PRRG4: variants seen among roughly 807,000 people sequenced by gnomAD.
PRRG4 encodes transmembrane gamma-carboxyglutamic acid protein 4.
A neutral mutation model predicts 20.0 loss-of-function variants in PRRG4; 12 were observed. The observed-to-expected ratio is 0.60, with a 90% confidence interval of 0.38 to 0.97. PRRG4 has a LOEUF of 0.97. PRRG4 is among the 50% of genes least tolerant of loss of function. The pLI, the probability that PRRG4 is intolerant of heterozygous loss-of-function variation, is 0.00. For missense variants in PRRG4, 199 were observed against 265.1 expected (o/e 0.75, Z 1.73); for synonymous variants, 94 against 96.4 (o/e 0.98, Z 0.15).
At chr11:32,834,384 G>A (rs1851001268) in intron 2 of PRRG4, among the ~76,000 whole-genome samples, 1 of 152,062 alleles carries the variant, frequency 6.6e-6, no homozygotes, top group African/African-American at 2.4e-5. Flanking sequence ...AGACAAAGGA[G>A]GAAACAGAAT....
chr11:32,830,472 C>G (rs1207387086), intron 1 of PRRG4, 36 bp from the exon 2 acceptor site: 4 of 1,345,518 alleles, frequency 3.0e-6, no homozygotes, highest in Non-Finnish European at 4.0e-6. Context: ...GAGCTAGGGG[C>G]CTTTTTTTTT....
At chr11:32,831,173 G>A (rs1207908677) in intron 2 of PRRG4, among the ~76,000 whole-genome samples, 6 of 152,058 alleles carry the variant, frequency 3.9e-5, no homozygotes, top group Admixed American at 6.5e-5. Context: ...TTAGGTTTGG[G>A]GCTTGCTAAC....
At chr11:32,848,728 T>G (rs768612073) in intron 5 of PRRG4, among the ~76,000 whole-genome samples, 1 of 151,852 alleles carries the variant, frequency 6.6e-6, no homozygotes, top group Non-Finnish European at 1.5e-5. Flanking sequence ...TCCCAGAACT[T>G]TGGGAGGCCG....
At position 32,853,739 on chromosome 11, in the gene PRRG4, A is replaced by G. The variant is rs1851205519; in HGVS notation, c.*212A>G. ...CCTACTTGGGAGGCTGAAGCAGGAG[A>G]ATTGCTCGAACCTGGGAGGCAGAGG... On this transcript the variant is annotated 3_prime_UTR_variant, in exon 6 of 6. Coordinates refer to ENST00000257836, the MANE Select transcript of PRRG4 (RefSeq NM_024081.6). 2.0e-6 allele frequency: 1 copy of G among 488,840 alleles called. No homozygotes were observed. Among genetic ancestry groups the G allele is most frequent in the Non-Finnish European group, 3.7e-6 (1 of 269,072 alleles). 30.3% of individuals were successfully genotyped at this position (488,840 alleles called of 1,614,324 possible). A position where few individuals can be genotyped will look rare whatever the true frequency, so the allele number is the denominator to read the frequency against.
chr11:32,849,593 G>A (rs1161139717), intron 5 of PRRG4, among the ~76,000 whole-genome samples: 1 of 152,174 alleles, frequency 6.6e-6, no homozygotes, highest in African/African-American at 2.4e-5. Context: ...GAACCCAGGA[G>A]GCAGAGGTTG....
At position 32,855,101 on chromosome 11, in the gene PRRG4, TTAA is replaced by T. The variant is rs1464310755; in HGVS notation, c.*1576_*1578del. 2.6e-5 allele frequency: 4 copies of T among 152,216 alleles called. No homozygotes were observed. Among genetic ancestry groups the T allele is most frequent in the Non-Finnish European group, 4.4e-5 (3 of 68,036 alleles). The allele number at this position is 152,216 out of a possible 1,614,324, so 9.4% of individuals were successfully genotyped here. A position where few individuals can be genotyped will look rare whatever the true frequency, so the allele number is the denominator to read the frequency against. On this transcript the variant is annotated 3_prime_UTR_variant, in exon 6 of 6. Transcript: ENST00000257836. ...TTTTCTGCTCTTAAAATAATATTGA[TTAA>T]TGTTACCAGAAACCTTTTGCATCTC...
intron 5 of PRRG4, among the ~76,000 whole-genome samples, chr11:32,841,828 T>G (rs771516411): frequency 4.6e-5 from 7 of 152,008 alleles, no homozygotes; most frequent in Non-Finnish European, 7.4e-5. Context: ...AGGAGAAAAT[T>G]TGGATATAGC....
chr11:32,842,513 G>A (rs1379771550), intron 5 of PRRG4, among the ~76,000 whole-genome samples: 1 of 152,088 alleles, frequency 6.6e-6, no homozygotes, highest in Non-Finnish European at 1.5e-5. Context: ...CTGAGGTCAG[G>A]AGTTCAAGAC....
intron 2 of PRRG4, among the ~76,000 whole-genome samples, chr11:32,831,054 T>G (rs1850966363): frequency 6.6e-6 from 1 of 152,208 alleles, no homozygotes; most frequent in African/African-American, 2.4e-5. Context: ...TTGGCTTGAA[T>G]GTCTTCATCT....
At chr11:32,833,535 C>T (rs1850993419) in intron 2 of PRRG4, among the ~76,000 whole-genome samples, 1 of 152,156 alleles carries the variant, frequency 6.6e-6, no homozygotes, top group South Asian at 2.1e-4. Context: ...ATTCTCCATT[C>T]TGAACTTAGA....
Position 32,836,700 on chromosome 11 carries a change from G to A in PRRG4, c.146G>A (p.Arg49His), listed in dbSNP as rs750549239. 1.2e-6 allele frequency: 2 copies of A among 1,604,458 alleles called. No homozygotes were observed. The highest frequency in any genetic ancestry group is 1.7e-4 in the Middle Eastern group (1 of 6,038). The change falls in exon 3 of 6, where the codon CGC becomes CAC. Residue 49 changes from arginine to histidine, a missense_variant. By Grantham distance (29) the Arg-to-His change is conservative. Coordinates refer to ENST00000257836, the MANE Select transcript of PRRG4 (RefSeq NM_024081.6). The stretch of plus-strand genomic sequence containing the variant: ...GAAGCAAACTTTTTCATACATAGAC[G>A]CCTTCTGTATAATAGATTTGATCTG... The part of the protein sequence containing the change: ...KEEANFFIHR[R>H]LLYNRFDLEL...
intron 4 of PRRG4, among the ~76,000 whole-genome samples, chr11:32,839,600 T>C (rs957736444): frequency 6.7e-6 from 1 of 149,274 alleles, no homozygotes; most frequent in African/African-American, 2.4e-5. Flanking sequence ...TTTAAATAAA[T>C]AATTTTTAAA....
chr11:32,847,433 C>A (rs2133448604), intron 5 of PRRG4, among the ~76,000 whole-genome samples: 1 of 152,208 alleles, frequency 6.6e-6, no homozygotes, highest in African/African-American at 2.4e-5. Context: ...GAGCCAGGTG[C>A]AGTGGCATGC....
chr11:32,832,410 A>G (rs1392638674), intron 2 of PRRG4, among the ~76,000 whole-genome samples: 2 of 152,052 alleles, frequency 1.3e-5, no homozygotes, highest in African/African-American at 4.8e-5. Flanking sequence ...AATGCCTTCC[A>G]TCTGCAAATG....
intron 3 of PRRG4, among the ~76,000 whole-genome samples, chr11:32,838,217 G>A (rs759705532): frequency 6.6e-6 from 1 of 152,050 alleles, no homozygotes; most frequent in Non-Finnish European, 1.5e-5. Flanking sequence ...AGCACTTTGC[G>A]GGGCAGAGGT....
At chr11:32,838,967 A>C in intron 4 of PRRG4, 37 bp downstream of exon 4, 29 of 1,451,106 alleles carry the variant, frequency 2.0e-5, no homozygotes, top group Non-Finnish European at 2.5e-5. Context: ...TGCTTTTCTC[A>C]TCCTCTCTCT....
At chr11:32,850,960 C>T (rs774897654) in intron 5 of PRRG4, among the ~76,000 whole-genome samples, 15 of 152,140 alleles carry the variant, frequency 9.9e-5, no homozygotes, top group African/African-American at 1.4e-4. Context: ...GTAATCTCAT[C>T]TATTCAGGAG....
chr11:32,845,115 T>TA (rs939573052), intron 5 of PRRG4, among the ~76,000 whole-genome samples: 1 of 151,922 alleles, frequency 6.6e-6, no homozygotes, highest in South Asian at 2.1e-4. Context: ...AAAATAAAAA[T>TA]AAAAAAAATC....
At chr11:32,850,564 C>T (rs1285678471) in intron 5 of PRRG4, among the ~76,000 whole-genome samples, 1 of 152,184 alleles carries the variant, frequency 6.6e-6, no homozygotes. Flanking sequence ...ATATTCCAAA[C>T]TTGGTTTACT....
Sources: allele counts gnomAD v4.1 joint callset (sites outside exome capture counted in the v4.1 genomes callset), GRCh38; gene constraint gnomAD v4.1.1; transcripts MANE v1.5; gene names NCBI Gene and HGNC (gene_info 2026-07-23, HGNC 2026-07-21).